The following EFHB variants were observed in gnomAD, a reference collection of about 807,000 sequenced individuals.
EFHB encodes the protein EF-hand domain family member B.
A neutral mutation model predicts 87.2 loss-of-function variants in EFHB; 91 were observed. The ratio of observed to expected loss-of-function variants is 1.04; its 90% CI spans 0.88 to 1.24. EFHB has a LOEUF of 1.24. Among genes scored for constraint, EFHB ranks in the 50% most tolerant of loss-of-function variants. EFHB has a pLI of 0.00. For missense variants in EFHB, 1,084 were observed against 998.8 expected, an observed-to-expected ratio of 1.09 and a Z score of -1.15; for synonymous variants, 325 against 333.6, an observed-to-expected ratio of 0.97 and a Z score of 0.28.
chr3:19,915,899 A>G (rs998918400), intron 4 of EFHB, among the ~76,000 whole-genome samples: 4 of 152,120 alleles, frequency 2.6e-5, no homozygotes, highest in Non-Finnish European at 4.4e-5. Context: ...AATTACTTGA[A>G]TCCGGGAGGT....
chr3:19,937,747 T>C (rs148374228), upstream of EFHB, among the ~76,000 whole-genome samples: 2,010 of 152,244 alleles, frequency 0.013, 45 homozygotes, highest in African/African-American at 0.046. Context: ...ATCACTTCTC[T>C]CTCTCAGACA....
chr3:19,898,954 A>C, intron 7 of EFHB, 109 bp from the exon 8 acceptor site: 1 of 1,075,116 alleles, frequency 9.3e-7, no homozygotes, highest in African/African-American at 1.6e-5. Context: ...TCTCATAACC[A>C]AACTATGAAG....
chr3:19,917,630 A>G (rs1286143508), intron 4 of EFHB, among the ~76,000 whole-genome samples: 2 of 152,216 alleles, frequency 1.3e-5, no homozygotes, highest in Non-Finnish European at 2.9e-5. Flanking sequence ...GTACCCAACA[A>G]CATGGCAGGA....
At chr3:19,888,846 T>A (rs989096042) in intron 9 of EFHB, among the ~76,000 whole-genome samples, 195 bp from the exon 10 acceptor site, 1 of 152,224 alleles carries the variant, frequency 6.6e-6, no homozygotes, top group Non-Finnish European at 1.5e-5. Context: ...GGCTTGACAT[T>A]TCATATGACC....
intron 5 of EFHB, among the ~76,000 whole-genome samples, chr3:19,913,390 T>C (rs1695125016): frequency 6.6e-6 from 1 of 152,222 alleles, no homozygotes; most frequent in Non-Finnish European, 1.5e-5. Flanking sequence ...GTAGCATTTC[T>C]ATATACCAAC....
At chr3:19,908,393 C>G (rs1020664841) in intron 5 of EFHB, among the ~76,000 whole-genome samples, 2 of 151,798 alleles carry the variant, frequency 1.3e-5, no homozygotes, top group African/African-American at 4.8e-5. Context: ...ATTAGCCAGG[C>G]ATGGTGGCGG....
At chr3:19,920,130 GTATT>G (rs1695387494) in intron 2 of EFHB, among the ~76,000 whole-genome samples, 154 bp from the exon 3 acceptor site, 1 of 152,084 alleles carries the variant, frequency 6.6e-6, no homozygotes, top group Non-Finnish European at 1.5e-5. Context: ...CCCCTAAAAT[GTATT>G]TATTTATTAA....
intron 1 of EFHB, chr3:19,945,841 T>G (rs1696263382): frequency 6.6e-6 from 1 of 152,216 alleles, no homozygotes; most frequent in Non-Finnish European, 1.5e-5. Flanking sequence ...TGCCGCCGAC[T>G]GTACGCCCAT....
At chr3:19,946,795 A>C (rs917587433) in intron 1 of EFHB, 1 of 152,186 alleles carries the variant, frequency 6.6e-6, no homozygotes, top group Non-Finnish European at 1.5e-5. Flanking sequence ...ACAAAAAAAC[A>C]CAAGTTATTT....
Position 19,896,801 on chromosome 3 carries a change from A to G in EFHB, c.1611T>C (p.Tyr537=). 1 of 1,613,990 alleles carries G rather than the reference A, an allele frequency of 6.2e-7. No homozygotes were observed. Among genetic ancestry groups the G allele is most frequent in the African/African-American group, 1.3e-5 (1 of 75,058 alleles). The change falls in exon 9 of 13, where the codon TAT becomes TAC. Residue 537 remains tyrosine (Y), a synonymous_variant. Coordinates refer to ENST00000295824, the MANE Select transcript of EFHB (RefSeq NM_144715.4). The part of the protein sequence containing the change: ...DLIHNRLPDE[Y]LRGKDRQRAL... Reference sequence around the variant, plus strand: ...CTCGCTGTCTATCCTTGCCTCGAAGATATTCATCCGGAAGTCTATTATGGA... The same window carrying G: ...CTCGCTGTCTATCCTTGCCTCGAAGGTATTCATCCGGAAGTCTATTATGGA...
At chr3:19,912,609 C>T (rs930717481) in intron 5 of EFHB, among the ~76,000 whole-genome samples, 1 of 151,990 alleles carries the variant, frequency 6.6e-6, no homozygotes, top group Non-Finnish European at 1.5e-5. Flanking sequence ...ACTCTTATCC[C>T]GAGTAGATAG....
At chr3:19,915,494 A>C in intron 4 of EFHB, 81 bp from the exon 5 acceptor site, 1 of 847,278 alleles carries the variant, frequency 1.2e-6, no homozygotes. Flanking sequence ...AGAACAAATG[A>C]GAAATTAGGT....
chr3:19,919,147 A>G (rs2931402), intron 3 of EFHB, among the ~76,000 whole-genome samples: 4,462 of 152,172 alleles, frequency 0.029, 91 homozygotes, highest in Middle Eastern at 0.061. Flanking sequence ...CAATGTCCAT[A>G]TAAGTATTCT....
chr3:19,928,526 C>T (rs1336484522), intron 1 of EFHB, among the ~76,000 whole-genome samples: 1 of 152,164 alleles, frequency 6.6e-6, no homozygotes, highest in Non-Finnish European at 1.5e-5. Context: ...CTCACTGCAA[C>T]CTCCGCCACC....
chr3:19,884,333 G>C, intron 11 of EFHB, 70 bp downstream of exon 11: 1 of 1,404,030 alleles, frequency 7.1e-7, no homozygotes, highest in Non-Finnish European at 9.8e-7. Context: ...GAGAAAGGCA[G>C]GGGACAATGC....
chr3:19,893,449 G>A (rs1694372257), intron 9 of EFHB, among the ~76,000 whole-genome samples: 1 of 152,180 alleles, frequency 6.6e-6, no homozygotes, highest in Non-Finnish European at 1.5e-5. Context: ...TGTGGCAATA[G>A]GGGGAGCGCA....
chr3:19,937,802 C>T (rs557847283), upstream of EFHB, among the ~76,000 whole-genome samples: 2 of 152,222 alleles, frequency 1.3e-5, no homozygotes, highest in African/African-American at 4.8e-5. Context: ...TGGTATTTTA[C>T]CTAACTTTCT....
chr3:19,898,641 T>C (rs1694563481), intron 8 of EFHB, 137 bp downstream of exon 8: 1 of 864,432 alleles, frequency 1.2e-6, no homozygotes, highest in South Asian at 1.6e-5. Context: ...CTTTTCTCAT[T>C]AATGTTAATG....
In EFHB at chr3:19,886,036, A is replaced by C. The variant is rs57687141; in HGVS notation, c.1934-1421T>G. Among the ~76,000 whole-genome samples the C allele has an allele frequency of 6.4e-4, 98 of 152,198 alleles. No individual in the cohort carries two copies. The East Asian group carries it at 0.018, about 28-fold the overall frequency. The stretch of plus-strand genomic sequence containing the variant: ...TCATAGAAGATGAAAATCCTTAAAA[A>C]CTCCATTTAAAATGGCTGAAGAAAT... On this transcript the variant is annotated intron_variant, in intron 10 of 12. Coordinates refer to ENST00000295824, the MANE Select transcript of EFHB (RefSeq NM_144715.4).
Sources: gnomAD v4.1 joint callset for allele counts (sites outside exome capture counted in the v4.1 genomes callset) on GRCh38, gnomAD v4.1.1 for gene constraint, MANE v1.5 for transcripts, NCBI Gene and HGNC (gene_info 2026-07-23, HGNC 2026-07-21) for gene names.